Variants in KLHL20 observed in about 807,000 individuals in gnomAD.
KLHL20 encodes the protein kelch-like protein 20.
KLHL20 carries 29 observed loss-of-function variants against 69.5 expected under a neutral mutation model. That is an observed-to-expected ratio of 0.42 (90% CI 0.31 to 0.57). The LOEUF (loss-of-function observed/expected upper bound fraction) is 0.57, where lower values mean the gene tolerates loss of function less well. Ranked by LOEUF, KLHL20 falls within the 20% of genes least tolerant of loss-of-function variation. KLHL20 has a pLI of 0.18. For missense variants in KLHL20, 419 were observed against 776.0 expected (o/e 0.54, Z 5.47); for synonymous variants, 253 against 265.2 (o/e 0.95, Z 0.45).
chr1:173,775,569 A>T, intron 9 of KLHL20, 65 bp from the exon 10 acceptor site: 1 of 1,367,900 alleles, frequency 7.3e-7, no homozygotes, highest in East Asian at 2.3e-5. Flanking sequence ...CAGTGGCTAT[A>T]AAGAAAACTG....
At chr1:173,756,170 C>A in intron 6 of KLHL20, 132 bp downstream of exon 6, 1 of 643,530 alleles carries the variant, frequency 1.6e-6, no homozygotes, top group Non-Finnish European at 2.7e-6. Flanking sequence ...TATAGCTTGA[C>A]TCATAACCCA....
chr1:173,734,284 G>T lies in KLHL20; in HGVS notation c.595G>T (p.Glu199Ter). 1 of 1,614,108 alleles carries T rather than the reference G, an allele frequency of 6.2e-7. No individual in the cohort carries two copies. Among genetic ancestry groups the T allele is most frequent in the Non-Finnish European group, 8.5e-7 (1 of 1,179,978 alleles). The stretch of plus-strand genomic sequence containing the variant: ...CAAGTTCACCCAACATAACTTTCAA[G>T]AGGTGAGTTGCACTTGGTGTTCCAA... ...ADKFTQHNFQ[E>*]VMESEEFMLL... The change falls in exon 3 of 12, where the codon GAG becomes TAG. Residue 199 changes from glutamate to a stop codon, truncating the protein, a stop_gained and splice_region_variant. Transcript: ENST00000209884. LOFTEE classifies it high-confidence loss of function.
At chr1:173,742,189 A>G (rs372879991) in intron 3 of KLHL20, among the ~76,000 whole-genome samples, 30 of 152,348 alleles carry the variant, frequency 2.0e-4, no homozygotes, top group East Asian at 1.5e-3. Flanking sequence ...TTTATCTATC[A>G]GATTACAAAT....
intron 3 of KLHL20, among the ~76,000 whole-genome samples, chr1:173,740,299 T>G (rs1389033328): frequency 6.6e-6 from 1 of 151,750 alleles, no homozygotes; most frequent in Non-Finnish European, 1.5e-5. Context: ...ATTTTTTGTA[T>G]TTTTAGTAAA....
At chr1:173,767,010 C>T (rs1321464669) in intron 8 of KLHL20, among the ~76,000 whole-genome samples, 1 of 152,098 alleles carries the variant, frequency 6.6e-6, no homozygotes, top group East Asian at 1.9e-4. Flanking sequence ...ATTTATTCCT[C>T]CTCTCTAACT....
intron 2 of KLHL20, among the ~76,000 whole-genome samples, chr1:173,716,488 A>C (rs911716705): frequency 6.6e-6 from 1 of 152,162 alleles, no homozygotes; most frequent in African/African-American, 2.4e-5. Context: ...GTTCAATCAT[A>C]CATTTGTTCT....
intron 3 of KLHL20, among the ~76,000 whole-genome samples, chr1:173,736,774 TTAG>T (rs767729863): frequency 2.6e-5 from 4 of 152,080 alleles, no homozygotes; most frequent in Non-Finnish European, 4.4e-5. Flanking sequence ...TTTTGTATTT[TTAG>T]TAGAGATGGG....
At chr1:173,761,177 A>G (rs1221764223) in intron 7 of KLHL20, among the ~76,000 whole-genome samples, 1 of 152,196 alleles carries the variant, frequency 6.6e-6, no homozygotes, top group African/African-American at 2.4e-5. Context: ...TGTCCGACAG[A>G]AAAATATCAT....
chr1:173,761,555 A>C (rs968883159), intron 7 of KLHL20, among the ~76,000 whole-genome samples: 2 of 152,240 alleles, frequency 1.3e-5, no homozygotes, highest in African/African-American at 4.8e-5. Flanking sequence ...CCACTGTGGA[A>C]TAAAACTGGA....
intron 2 of KLHL20, among the ~76,000 whole-genome samples, chr1:173,729,805 G>C (rs1402583887): frequency 6.6e-6 from 1 of 152,120 alleles, no homozygotes; most frequent in Non-Finnish European, 1.5e-5. Flanking sequence ...TTGAAAACTG[G>C]CACAAGACAG....
intron 2 of KLHL20, among the ~76,000 whole-genome samples, chr1:173,721,716 T>A (rs1671724784): frequency 6.6e-6 from 1 of 152,116 alleles, no homozygotes; most frequent in Non-Finnish European, 1.5e-5. Context: ...AATAAAGAGG[T>A]TAATAGCTTG....
chr1:173,772,085 A>C (rs886688053), intron 8 of KLHL20, among the ~76,000 whole-genome samples: 6 of 152,220 alleles, frequency 3.9e-5, no homozygotes, highest in Admixed American at 3.9e-4. Flanking sequence ...TTTTGAAAAA[A>C]TTTCTATATA....
intron 11 of KLHL20, 73 bp from the exon 12 acceptor site, chr1:173,785,090 G>GTCGT: frequency 1.8e-6 from 2 of 1,135,820 alleles, no homozygotes; most frequent in Non-Finnish European, 2.6e-6. Context: ...TAACATCTTA[G>GTCGT]TCGTAGTTAA....
At chr1:173,721,675 T>A (rs1671722659) in intron 2 of KLHL20, among the ~76,000 whole-genome samples, 1 of 152,252 alleles carries the variant, frequency 6.6e-6, no homozygotes, top group African/African-American at 2.4e-5. Flanking sequence ...ATGAGATGTC[T>A]TGGGACTAAA....
chr1:173,764,206 T>TA (rs1157986260), intron 7 of KLHL20, among the ~76,000 whole-genome samples: 2 of 152,048 alleles, frequency 1.3e-5, no homozygotes, highest in South Asian at 2.1e-4. Flanking sequence ...ATGGCCATAA[T>TA]AAAAAAATCA....
At chr1:173,751,006 T>C (rs186686689) in intron 3 of KLHL20, among the ~76,000 whole-genome samples, 4 of 152,324 alleles carry the variant, frequency 2.6e-5, no homozygotes, top group East Asian at 1.9e-4. Flanking sequence ...CCTGCACTAA[T>C]AGACATCACA....
chr1:173,754,584 C>CAAA (rs576521460), intron 5 of KLHL20, among the ~76,000 whole-genome samples: 1 of 60,574 alleles, frequency 1.7e-5, no homozygotes, highest in African/African-American at 4.5e-5. Flanking sequence ...AACTCAGTCT[C>CAAA]AAAAAAAAAA....
chr1:173,778,294 G>C (rs984674621), intron 10 of KLHL20, among the ~76,000 whole-genome samples: 1 of 150,156 alleles, frequency 6.7e-6, no homozygotes, highest in South Asian at 2.1e-4. Context: ...GTTCAATTCC[G>C]CTGGGAGATT....
chr1:173,716,031 C>CTT lies in KLHL20; in HGVS notation c.-10_-9dup, dbSNP rs779432696. On this transcript the variant is annotated 5_prime_UTR_variant, in exon 2 of 12. Transcript: ENST00000209884. ...CGGCTTTAGAGTGTGGTGAAGGGTA[C>CTT]TTTTCATGGTGCATGGAAGGAAAGC... 1.9e-6 allele frequency: 3 copies of CTT among 1,613,316 alleles called. No individual in the cohort carries two copies. Among genetic ancestry groups the CTT allele is most frequent in the Non-Finnish European group, 2.5e-6 (3 of 1,179,556 alleles).
Sources: gnomAD v4.1 joint callset for allele counts (sites outside exome capture counted in the v4.1 genomes callset) on GRCh38, gnomAD v4.1.1 for gene constraint, MANE v1.5 for transcripts, NCBI Gene and HGNC (gene_info 2026-07-23, HGNC 2026-07-21) for gene names.